PRH1: variants seen among roughly 807,000 people sequenced by gnomAD.
PRH1 encodes the protein proline rich protein HaeIII subfamily 1.
Under a neutral mutation model 7.9 loss-of-function variants are expected in PRH1, and 7 were observed. The observed-to-expected ratio is 0.89, with a 90% CI of 0.50 to 1.67. The LOEUF (loss-of-function observed/expected upper bound fraction) is 1.67. PRH1 is among the 40% of genes most tolerant of loss of function. The pLI is 0.00. For synonymous variants in PRH1, 45 were observed against 80.8 expected (o/e 0.56, Z 2.38); for missense variants, 109 against 223.6 (o/e 0.49, Z 3.27).
intron 1 of PRH1, among the ~76,000 whole-genome samples, chr12:11,029,135 T>A (rs1203691585): frequency 2.0e-5 from 3 of 152,264 alleles, no homozygotes; most frequent in East Asian, 3.8e-4. Context: ...AATACACAAA[T>A]CAGGTGGGGG....
chr12:11,006,419 AG>A (rs1257703936), intron 1 of PRH1: 1 of 146,490 alleles, frequency 6.8e-6, no homozygotes, highest in East Asian at 2.0e-4. Context: ...CTCTCACCCA[AG>A]CTGGAGTGCA....
At chr12:11,150,317 T>C (rs1325956526) in intron 1 of PRH1, among the ~76,000 whole-genome samples, 2 of 152,084 alleles carry the variant, frequency 1.3e-5, no homozygotes, top group Middle Eastern at 3.2e-3. Flanking sequence ...ATCCCATTAC[T>C]GGGTATAAAC....
intron 1 of PRH1, among the ~76,000 whole-genome samples, chr12:11,086,104 T>TC (rs144220978): frequency 0.24 from 25,923 of 110,210 alleles, 4,902 homozygotes; most frequent in African/African-American, 0.4. Context: ...ATAAACACAT[T>TC]CCCCCCCCCA....
intron 1 of PRH1, among the ~76,000 whole-genome samples, chr12:11,037,064 C>CT (rs1011024934): frequency 6.1e-5 from 9 of 147,154 alleles, no homozygotes; most frequent in Non-Finnish European, 1.1e-4. Flanking sequence ...GATTTATTTG[C>CT]TTTTTTTTCT....
intron 2 of PRH1, chr12:10,937,620 C>T (rs1297175076): frequency 6.6e-6 from 1 of 152,064 alleles, no homozygotes; most frequent in Non-Finnish European, 1.5e-5. Context: ...TTTCATTATA[C>T]AACTGATACC....
chr12:10,907,054 G>A (rs1024772200), intron 2 of PRH1, among the ~76,000 whole-genome samples: 1 of 152,166 alleles, frequency 6.6e-6, no homozygotes, highest in Non-Finnish European at 1.5e-5. Context: ...ATTACATTCT[G>A]ACTAGAATGG....
rs1286123133 is a variant in PRH1, at chr12:11,150,387, A to G, written n.39+21035T>C. Among the ~76,000 whole-genome samples, 20 of 152,284 alleles carry G rather than the reference A, an allele frequency of 1.3e-4. No individual in the cohort carries two copies. The East Asian group carries it at 3.5e-3, about 26-fold the overall frequency. On this transcript the variant is annotated intron_variant and non_coding_transcript_variant, in intron 1 of 1. Transcript: ENST00000541175. ...CATGCACACGTATGTTTATTGCAGC[A>G]CTATTCACAATAGCAAAGACTTGGA...
rs777457158 is a variant in PRH1, at chr12:10,938,856, TAG to T, written c.-59+34797_-59+34798del. 54 of 1,613,544 alleles carry T rather than the reference TAG, an allele frequency of 3.3e-5. No individual in the cohort carries two copies. In the African/African-American group the frequency reaches 6.1e-4, roughly 18 times the overall value. On this transcript the variant is annotated intron_variant, in intron 2 of 3. Coordinates refer to the PRH1 transcript ENST00000539853. ...ACCCTCCACTTTAGGTAGAGAAAAA[TAG>T]AGTTAGAAAAATTGGCTATCTTGAG...
chr12:11,156,310 G>C (rs1477233083), intron 1 of PRH1, among the ~76,000 whole-genome samples: 1 of 151,956 alleles, frequency 6.6e-6, no homozygotes, highest in African/African-American at 2.4e-5. Context: ...ATTGGTCTTT[G>C]GTTTCCTGTA....
chr12:11,072,253 C>A (rs75029150), intron 1 of PRH1, among the ~76,000 whole-genome samples: 2 of 14,896 alleles, frequency 1.3e-4, no homozygotes, highest in Non-Finnish European at 1.2e-3. Context: ...TACCAAAGTT[C>A]CGGGATTGCA....
chr12:11,031,949 T>C (rs1372877814), intron 1 of PRH1, among the ~76,000 whole-genome samples: 1 of 152,240 alleles, frequency 6.6e-6, no homozygotes, highest in East Asian at 1.9e-4. Context: ...TGCTGTGACA[T>C]TCTTTTTACT....
At chr12:11,078,912 T>C (rs1394682198) in intron 1 of PRH1, 1 of 152,114 alleles carries the variant, frequency 6.6e-6, no homozygotes, top group Admixed American at 6.6e-5. Context: ...CCTAAACACA[T>C]AGACACACAT....
chr12:11,137,314 T>C (rs1946585314), intron 1 of PRH1, among the ~76,000 whole-genome samples: 1 of 152,224 alleles, frequency 6.6e-6, no homozygotes, highest in Non-Finnish European at 1.5e-5. Flanking sequence ...TTATCAAACA[T>C]TGAAGAACTT....
At chr12:11,020,956 T>C (rs1941590370) in intron 1 of PRH1, among the ~76,000 whole-genome samples, 1 of 152,168 alleles carries the variant, frequency 6.6e-6, no homozygotes, top group Non-Finnish European at 1.5e-5. Context: ...AAAAAAATTA[T>C]AACAGCACTG....
At chr12:11,012,518 C>T (rs4763611) in intron 1 of PRH1, among the ~76,000 whole-genome samples, 33,980 of 152,016 alleles carry the variant, frequency 0.22, 3,841 homozygotes, top group Non-Finnish European at 0.24. Context: ...GTTATTCTTT[C>T]GATTCTGTGT....
intron 1 of PRH1, among the ~76,000 whole-genome samples, chr12:11,164,891 C>A (rs1037490229): frequency 7.9e-5 from 12 of 152,160 alleles, no homozygotes; most frequent in Non-Finnish European, 1.3e-4. Context: ...ATTTCCATCA[C>A]CCCCAAAAAC....
chr12:11,032,243 G>T (rs1942255778), intron 1 of PRH1, among the ~76,000 whole-genome samples: 2 of 152,128 alleles, frequency 1.3e-5, no homozygotes, highest in African/African-American at 2.4e-5. Flanking sequence ...TCAGTTGTTA[G>T]GGAAGTTTTG....
rs201536455 is a variant in PRH1, at chr12:10,909,123, A to C, written c.-58-24848T>G. On this transcript the variant is annotated intron_variant, in intron 2 of 3. Coordinates refer to the PRH1 transcript ENST00000539853. ...AAACCAACTTACTAATATTTCCCAG[A>C]TCAGCCCAATTCTGGAGATTGCCAA... 3 of 1,613,766 alleles carry C rather than the reference A, an allele frequency of 1.9e-6. No homozygotes were observed. In the Admixed American group the frequency reaches 5.0e-5, roughly 27 times the overall value.
At position 10,882,195 on chromosome 12, in the gene PRH1, GGAT is replaced by G; in HGVS notation, c.*18+19_*18+21del. On this transcript the variant is annotated intron_variant, in intron 3 of 3. Transcript: ENST00000543626. ...AACTGTAGCAGTTGGAGCCTTTGAT[GGAT>G]AATAAACTGGAATCGTACCTGTCAT... 1.2e-6 allele frequency: 2 copies of G among 1,612,220 alleles called. No homozygotes were observed. Among genetic ancestry groups the G allele is most frequent in the Non-Finnish European group, 1.7e-6 (2 of 1,179,544 alleles).
Sources: gnomAD v4.1 joint callset for allele counts (sites outside exome capture counted in the v4.1 genomes callset) on GRCh38, gnomAD v4.1.1 for gene constraint, MANE v1.5 for transcripts, NCBI Gene and HGNC (gene_info 2026-07-23, HGNC 2026-07-21) for gene names.